HSDL2: variants seen among roughly 807,000 people sequenced by gnomAD.
HSDL2 encodes hydroxysteroid dehydrogenase like 2, also known as hydroxysteroid dehydrogenase-like protein 2.
In HSDL2, 27 loss-of-function variants were observed where a neutral mutation model predicts 46.3. The ratio of observed to expected loss-of-function variants is 0.58; its 90% CI spans 0.43 to 0.80. HSDL2 has a LOEUF of 0.80. HSDL2 is among the 30% of genes least tolerant of loss of function. The pLI is 0.00. For missense variants in HSDL2, 451 were observed against 502.7 expected (o/e 0.90, Z 0.98); for synonymous variants, 153 against 163.6 (o/e 0.94, Z 0.50).
intron 8 of HSDL2, among the ~76,000 whole-genome samples, chr9:112,449,406 A>T (rs995947129): frequency 6.6e-6 from 1 of 152,038 alleles, no homozygotes; most frequent in African/African-American, 2.4e-5. Context: ...TGTTTTAAAA[A>T]TTATTTTTCT....
chr9:112,408,539 A>G (rs1251709132), intron 3 of HSDL2, among the ~76,000 whole-genome samples: 1 of 152,232 alleles, frequency 6.6e-6, no homozygotes. Flanking sequence ...TTATGATCGT[A>G]TGAACATAGA....
At chr9:112,396,110 A>G (rs1003286097) in intron 1 of HSDL2, among the ~76,000 whole-genome samples, 2 of 152,202 alleles carry the variant, frequency 1.3e-5, no homozygotes, top group African/African-American at 2.4e-5. Context: ...TGGGAGCACT[A>G]TAAGAGTTAT....
At chr9:112,458,284 C>T (rs563308433) in intron 9 of HSDL2, among the ~76,000 whole-genome samples, 32 of 150,982 alleles carry the variant, frequency 2.1e-4, no homozygotes, top group African/African-American at 7.1e-4. Context: ...AATTTTGCAT[C>T]GCAGTAAAAA....
At chr9:112,446,974 G>C (rs1832771834) in intron 8 of HSDL2, among the ~76,000 whole-genome samples, 1 of 152,200 alleles carries the variant, frequency 6.6e-6, no homozygotes, top group South Asian at 2.1e-4. Context: ...TATTCTTTGA[G>C]ATCTTTCATG....
chr9:112,442,724 T>C (rs1332004401), intron 8 of HSDL2, among the ~76,000 whole-genome samples: 1 of 152,150 alleles, frequency 6.6e-6, no homozygotes, highest in African/African-American at 2.4e-5. Context: ...TTTTATCTTA[T>C]AGATGCTATG....
At chr9:112,410,890 C>CT (rs1446628588) in intron 4 of HSDL2, among the ~76,000 whole-genome samples, 3 of 152,208 alleles carry the variant, frequency 2.0e-5, no homozygotes, top group African/African-American at 7.2e-5. Flanking sequence ...GATCACCCTA[C>CT]TGCACTCCAG....
intron 8 of HSDL2, among the ~76,000 whole-genome samples, chr9:112,442,745 A>G (rs1255541885): frequency 2.0e-5 from 3 of 147,680 alleles, no homozygotes; most frequent in African/African-American, 7.4e-5. Context: ...ACTCTCATCG[A>G]TTTTTTTTTT....
intron 5 of HSDL2, among the ~76,000 whole-genome samples, chr9:112,417,781 T>TAA (rs34381614): frequency 0.028 from 4,038 of 143,548 alleles, 189 homozygotes; most frequent in African/African-American, 0.097. Context: ...CTTTCATTCT[T>TAA]AAAAAAAAAA....
At chr9:112,465,381 G>A (rs140499027) in intron 10 of HSDL2, among the ~76,000 whole-genome samples, 4 of 152,232 alleles carry the variant, frequency 2.6e-5, no homozygotes, top group Middle Eastern at 3.4e-3. Context: ...CTCCTGCCTC[G>A]GCCTGCCAAA....
At chr9:112,391,323 A>G (rs1014175107) in intron 1 of HSDL2, among the ~76,000 whole-genome samples, 2 of 151,984 alleles carry the variant, frequency 1.3e-5, no homozygotes, top group African/African-American at 4.8e-5. Context: ...AAAAAATTAA[A>G]TTAACCAGGC....
In HSDL2 at chr9:112,408,907, G is replaced by A; in HGVS notation, c.281G>A (p.Gly94Glu). The part of the protein sequence containing the change: ...AVEKAIKKFG[G>E]IDILVNNASA... ...ATGAAATTGATTATTTTGAAAACAG[G>A]AATTGATATTCTGGTAAATAATGCC... The change falls in exon 4 of 11, where the codon GGA becomes GAA. Residue 94 changes from glycine (G) to glutamate (E), a missense_variant and splice_region_variant. Transcript: ENST00000398805. 6 of 1,443,368 alleles carry A rather than the reference G, an allele frequency of 4.2e-6. No homozygotes were observed. Among genetic ancestry groups the A allele is most frequent in the Non-Finnish European group, 5.8e-6 (6 of 1,040,774 alleles). The allele number at this position is 1,443,368 out of a possible 1,614,324, so 89.4% of individuals were successfully genotyped here. A position where few individuals can be genotyped will look rare whatever the true frequency, so the allele number is the denominator to read the frequency against.
intron 1 of HSDL2, among the ~76,000 whole-genome samples, chr9:112,386,546 C>A (rs1264542526): frequency 2.0e-5 from 3 of 151,702 alleles, no homozygotes; most frequent in Admixed American, 6.6e-5. Context: ...TTTTGAGAGG[C>A]CAAGGTGGGA....
At chr9:112,414,571 G>A (rs1233270505) in intron 4 of HSDL2, among the ~76,000 whole-genome samples, 1 of 147,664 alleles carries the variant, frequency 6.8e-6, no homozygotes, top group Non-Finnish European at 1.5e-5. Flanking sequence ...AAGTGCAGAT[G>A]GAAAGGTCTT....
intron 1 of HSDL2, among the ~76,000 whole-genome samples, chr9:112,394,344 G>A (rs1044941974): frequency 2.0e-5 from 3 of 152,126 alleles, no homozygotes; most frequent in African/African-American, 7.2e-5. Flanking sequence ...TCATTTTAAG[G>A]GAAAGAACGA....
intron 1 of HSDL2, among the ~76,000 whole-genome samples, chr9:112,381,901 T>G (rs1450909691): frequency 2.0e-5 from 3 of 152,172 alleles, no homozygotes; most frequent in Non-Finnish European, 4.4e-5. Flanking sequence ...CATATATAAG[T>G]GTATATGTAG....
rs569468455 is a variant in HSDL2, at chr9:112,407,830, A to C, written c.281-1077A>C. ...ACATTGAAGTTTATTATATTGTTAC[A>C]CAACCATCATTAAGTACACTTCACA... On this transcript the variant is annotated intron_variant, in intron 3 of 10. Transcript: ENST00000398805. Among the ~76,000 whole-genome samples the C allele has an allele frequency of 1.2e-4, 19 of 152,356 alleles. 1 individual carries two copies. In the South Asian group the frequency reaches 3.9e-3, roughly 32 times the overall value.
intron 8 of HSDL2, among the ~76,000 whole-genome samples, chr9:112,450,922 G>T (rs1220698764): frequency 2.6e-5 from 4 of 151,928 alleles, no homozygotes; most frequent in African/African-American, 9.7e-5. Flanking sequence ...ACTTTTTGAG[G>T]CCGGGTGTGG....
At chr9:112,394,227 G>A (rs778537809) in intron 1 of HSDL2, among the ~76,000 whole-genome samples, 14 of 152,134 alleles carry the variant, frequency 9.2e-5, no homozygotes, top group East Asian at 1.9e-4. Flanking sequence ...CTCGCAGTCC[G>A]GACATGGCAA....
At position 112,455,746 on chromosome 9, in the gene HSDL2, T is replaced by TA. The variant is rs1404214921; in HGVS notation, c.1015+1584_1015+1585insA. On this transcript the variant is annotated intron_variant, in intron 9 of 10. Transcript: ENST00000398805. Reference sequence around the variant, plus strand: ...AATCTCCCATCTCTCCCTTCACCTCTTCCCTGCCAGTGTCAGCAGATAATT... The same window carrying TA: ...AATCTCCCATCTCTCCCTTCACCTCTATCCCTGCCAGTGTCAGCAGATAATT... 2.0e-5 allele frequency among the ~76,000 whole-genome samples: 3 copies of TA among 152,358 alleles called. No individual in the cohort carries two copies. The East Asian group carries it at 5.8e-4, about 29-fold the overall frequency.
Sources: gnomAD v4.1 joint callset for allele counts (sites outside exome capture counted in the v4.1 genomes callset) on GRCh38, gnomAD v4.1.1 for gene constraint, MANE v1.5 for transcripts, NCBI Gene and HGNC (gene_info 2026-07-23, HGNC 2026-07-21) for gene names.